KANSL1L: variants seen among roughly 807,000 people sequenced by gnomAD.
The protein encoded by KANSL1L is KAT8 regulatory NSL complex subunit 1-like protein.
KANSL1L carries 25 observed loss-of-function variants against 108.6 expected under a neutral mutation model. That is an observed-to-expected ratio of 0.23 (90% CI 0.17 to 0.32). KANSL1L has a LOEUF of 0.32. KANSL1L is among the 10% of genes least tolerant of loss of function. KANSL1L has a pLI of 1.00. For synonymous variants in KANSL1L, 405 were observed against 395.1 expected, an observed-to-expected ratio of 1.03 and a Z score of -0.30; for missense variants, 1,137 against 1,125.7, an observed-to-expected ratio of 1.01 and a Z score of -0.14.
At chr2:210,120,319 G>T (rs1370698284) in intron 3 of KANSL1L, among the ~76,000 whole-genome samples, 1 of 152,208 alleles carries the variant, frequency 6.6e-6, no homozygotes, top group Non-Finnish European at 1.5e-5. Flanking sequence ...TAGAAGCCAG[G>T]AGGCGGAGGT....
chr2:210,133,138 CCT>C (rs1314287996), intron 2 of KANSL1L, among the ~76,000 whole-genome samples: 6 of 151,850 alleles, frequency 4.0e-5, no homozygotes, highest in Admixed American at 1.3e-4. Flanking sequence ...TCCAGGACCC[CCT>C]GAGGATACCA....
chr2:210,049,390 T>C (rs908752949), intron 6 of KANSL1L, among the ~76,000 whole-genome samples: 1 of 151,952 alleles, frequency 6.6e-6, no homozygotes, highest in South Asian at 2.1e-4. Context: ...ATATTCTTTA[T>C]ATTTTACATT....
intron 4 of KANSL1L, among the ~76,000 whole-genome samples, chr2:210,099,666 C>T (rs1246603532): frequency 6.6e-6 from 1 of 152,088 alleles, no homozygotes; most frequent in Non-Finnish European, 1.5e-5. Context: ...TAAAACATTC[C>T]TGTCATTGTT....
At chr2:210,053,574 G>T (rs541285496) in intron 6 of KANSL1L, among the ~76,000 whole-genome samples, 1 of 151,940 alleles carries the variant, frequency 6.6e-6, no homozygotes, top group Non-Finnish European at 1.5e-5. Flanking sequence ...TCTAGCGTGG[G>T]AAATAAACCG....
chr2:210,070,686 A>C (rs984590809), intron 6 of KANSL1L, among the ~76,000 whole-genome samples: 2 of 152,210 alleles, frequency 1.3e-5, no homozygotes, highest in African/African-American at 4.8e-5. Context: ...ACAAAATGCC[A>C]CAACTGAGTG....
At chr2:210,063,680 C>CTT in intron 6 of KANSL1L, 1 of 147,014 alleles carries the variant, frequency 6.8e-6, no homozygotes, top group Non-Finnish European at 1.5e-5. Context: ...CTGTAGCCCC[C>CTT]TTTTTTTTTT....
intron 1 of KANSL1L, among the ~76,000 whole-genome samples, chr2:210,170,820 C>G (rs1195059148): frequency 6.6e-6 from 1 of 152,180 alleles, no homozygotes; most frequent in Non-Finnish European, 1.5e-5. Flanking sequence ...CCAGCCAAAA[C>G]AAAAGGGAGG....
intron 5 of KANSL1L, among the ~76,000 whole-genome samples, chr2:210,076,589 A>G (rs1309410162): frequency 6.6e-6 from 1 of 152,104 alleles, no homozygotes; most frequent in Non-Finnish European, 1.5e-5. Flanking sequence ...AAAATTTCCA[A>G]TGTTACAGAA....
chr2:210,107,158 CTG>C (rs1265318554), intron 3 of KANSL1L, among the ~76,000 whole-genome samples: 3 of 151,980 alleles, frequency 2.0e-5, no homozygotes, highest in East Asian at 3.9e-4. Context: ...AGAGAAAACA[CTG>C]TGTGAAAAAA....
chr2:210,103,294 G>C (rs1478588792), intron 4 of KANSL1L, among the ~76,000 whole-genome samples: 1 of 151,638 alleles, frequency 6.6e-6, no homozygotes, highest in Non-Finnish European at 1.5e-5. Flanking sequence ...CACAGGAAGG[G>C]GGACATCACA....
intron 6 of KANSL1L, among the ~76,000 whole-genome samples, chr2:210,052,686 T>C (rs948320809): frequency 6.6e-6 from 1 of 152,230 alleles, no homozygotes; most frequent in African/African-American, 2.4e-5. Context: ...TTTACACTTT[T>C]TCTCTCAATT....
At chr2:210,066,095 A>G (rs1257964783) in intron 6 of KANSL1L, among the ~76,000 whole-genome samples, 1 of 152,218 alleles carries the variant, frequency 6.6e-6, no homozygotes, top group East Asian at 1.9e-4. Context: ...AGTCCCTCCT[A>G]AATTAAATCC....
intron 6 of KANSL1L, among the ~76,000 whole-genome samples, chr2:210,068,157 T>A (rs558230180): frequency 4.5e-4 from 69 of 152,218 alleles, no homozygotes; most frequent in Non-Finnish European, 9.1e-4. Flanking sequence ...ATTACAGGCG[T>A]GAGCCACCGC....
At chr2:210,132,062 G>T (rs2125553481) in intron 2 of KANSL1L, among the ~76,000 whole-genome samples, 1 of 152,152 alleles carries the variant, frequency 6.6e-6, no homozygotes, top group African/African-American at 2.4e-5. Flanking sequence ...AAACATGTTT[G>T]CTATGCTTAT....
intron 12 of KANSL1L, among the ~76,000 whole-genome samples, chr2:210,026,005 AGAT>A (rs1378734837): frequency 6.6e-6 from 1 of 152,184 alleles, no homozygotes; most frequent in Non-Finnish European, 1.5e-5. Flanking sequence ...TATTCTAAGA[AGAT>A]GTTAATATCA....
intron 8 of KANSL1L, among the ~76,000 whole-genome samples, chr2:210,038,444 T>TA: frequency 6.6e-6 from 1 of 152,196 alleles, no homozygotes; most frequent in Non-Finnish European, 1.5e-5. Context: ...ATTTTTACTA[T>TA]AGTTGTGCCA....
intron 6 of KANSL1L, among the ~76,000 whole-genome samples, chr2:210,067,502 A>G (rs934035384): frequency 1.3e-5 from 2 of 152,058 alleles, no homozygotes; most frequent in Non-Finnish European, 2.9e-5. Context: ...GTTTGAGACC[A>G]GCCTGGGCAA....
chr2:210,033,064 G>A (rs1303459389), intron 8 of KANSL1L: 1 of 152,192 alleles, frequency 6.6e-6, no homozygotes, highest in Non-Finnish European at 1.5e-5. Flanking sequence ...TAACTTGATG[G>A]AACAGAGTGA....
intron 5 of KANSL1L, among the ~76,000 whole-genome samples, chr2:210,089,504 T>C (rs1166622287): frequency 6.6e-6 from 1 of 152,184 alleles, no homozygotes; most frequent in African/African-American, 2.4e-5. Context: ...GTAACTACTT[T>C]AGAAAATACG....
Sources: gnomAD v4.1 joint callset for allele counts (sites outside exome capture counted in the v4.1 genomes callset) on GRCh38, gnomAD v4.1.1 for gene constraint, MANE v1.5 for transcripts, NCBI Gene and HGNC (gene_info 2026-07-23, HGNC 2026-07-21) for gene names.